Variants in UNC5D observed in about 807,000 individuals in gnomAD.
The protein encoded by UNC5D is netrin receptor UNC5D.
In UNC5D, 39 loss-of-function variants were observed where a neutral mutation model predicts 105.4. The observed-to-expected ratio is 0.37, with a 90% CI of 0.29 to 0.48. The LOEUF is 0.48. Among genes scored for constraint, UNC5D ranks in the 20% least tolerant of loss-of-function variants. UNC5D has a pLI of 0.98. For missense variants in UNC5D, 991 were observed against 1,202.4 expected, an observed-to-expected ratio of 0.82 and a Z score of 2.60; for synonymous variants, 452 against 450.4, an observed-to-expected ratio of 1.00 and a Z score of -0.04.
intron 1 of UNC5D, among the ~76,000 whole-genome samples, chr8:35,330,224 G>A (rs916626535): frequency 6.6e-6 from 1 of 152,268 alleles, no homozygotes; most frequent in East Asian, 1.9e-4. Flanking sequence ...TGCAATATTT[G>A]TCACATATTA....
chr8:35,767,344 CAAG>C (rs1191941979), intron 15 of UNC5D, among the ~76,000 whole-genome samples: 1 of 152,152 alleles, frequency 6.6e-6, no homozygotes, highest in Non-Finnish European at 1.5e-5. Flanking sequence ...CACAAAATCA[CAAG>C]AAGTCTTATT....
intron 1 of UNC5D, among the ~76,000 whole-genome samples, chr8:35,503,221 G>A (rs1392780477): frequency 6.6e-6 from 1 of 152,132 alleles, no homozygotes; most frequent in African/African-American, 2.4e-5. Flanking sequence ...CATAGTCGGT[G>A]TATTAGTCCG....
intron 4 of UNC5D, among the ~76,000 whole-genome samples, chr8:35,617,977 T>C (rs1486706482): frequency 1.3e-5 from 2 of 152,226 alleles, no homozygotes; most frequent in Non-Finnish European, 2.9e-5. Flanking sequence ...TCATCCTCTG[T>C]GGGCTGCCAG....
intron 1 of UNC5D, among the ~76,000 whole-genome samples, chr8:35,413,526 A>G (rs967602990): frequency 6.0e-5 from 9 of 151,162 alleles, no homozygotes; most frequent in Admixed American, 4.6e-4. Flanking sequence ...TGCTGCTGAC[A>G]GGCATTTATT....
chr8:35,432,551 C>T (rs982879950), intron 1 of UNC5D, among the ~76,000 whole-genome samples: 41 of 152,132 alleles, frequency 2.7e-4, no homozygotes, highest in African/African-American at 9.9e-4. Context: ...TATTTTAACT[C>T]CAACTAGAAT....
chr8:35,689,341 G>T (rs947549114), intron 7 of UNC5D, among the ~76,000 whole-genome samples: 1 of 152,204 alleles, frequency 6.6e-6, no homozygotes, highest in Non-Finnish European at 1.5e-5. Context: ...GTTTAAGGCT[G>T]AAAGAACTTA....
intron 3 of UNC5D, among the ~76,000 whole-genome samples, chr8:35,576,400 G>T (rs531296444): frequency 3.9e-4 from 60 of 152,308 alleles, no homozygotes; most frequent in African/African-American, 1.4e-3. Flanking sequence ...AACGCCAGAG[G>T]CAGCATCACA....
intron 1 of UNC5D, among the ~76,000 whole-genome samples, chr8:35,485,667 G>A (rs139239522): frequency 0.01 from 1,524 of 152,200 alleles, 17 homozygotes; most frequent in South Asian, 0.035. Flanking sequence ...AAATAACATA[G>A]GTTTTGAAGT....
At chr8:35,308,219 T>G (rs189915854) in intron 1 of UNC5D, among the ~76,000 whole-genome samples, 84 of 152,080 alleles carry the variant, frequency 5.5e-4, no homozygotes, top group Admixed American at 1.6e-3. Context: ...ACCATGGGTT[T>G]CTGTCAAGGA....
At chr8:35,430,469 A>G (rs142677315) in intron 1 of UNC5D, among the ~76,000 whole-genome samples, 108 of 152,284 alleles carry the variant, frequency 7.1e-4, no homozygotes, top group Non-Finnish European at 1.8e-4. Flanking sequence ...TAGCATGTCA[A>G]TTAAACCCAA....
At chr8:35,724,520 G>A (rs188841353) in intron 9 of UNC5D, among the ~76,000 whole-genome samples, 2 of 152,216 alleles carry the variant, frequency 1.3e-5, no homozygotes, top group East Asian at 3.9e-4. Flanking sequence ...GGTGACTGTC[G>A]CTGGTCAGAC....
chr8:35,730,964 GATAA>G, intron 10 of UNC5D, 44 bp from the exon 11 acceptor site: 2 of 1,583,654 alleles, frequency 1.3e-6, no homozygotes, highest in Non-Finnish European at 1.7e-6. Context: ...CAAACTTCAT[GATAA>G]TTGGAAAAAT....
At chr8:35,376,460 G>T (rs1043804141) in intron 1 of UNC5D, among the ~76,000 whole-genome samples, 1 of 152,114 alleles carries the variant, frequency 6.6e-6, no homozygotes, top group South Asian at 2.1e-4. Context: ...GTGTAAATTG[G>T]GGGTGCCTAG....
At position 35,336,791 on chromosome 8, in the gene UNC5D, G is replaced by GTTT. The variant is rs11404669; in HGVS notation, c.103+100914_103+100916dup. On this transcript the variant is annotated intron_variant, in intron 1 of 16. Coordinates refer to ENST00000404895, the MANE Select transcript of UNC5D (RefSeq NM_080872.4). ...GCCCAGATAGACCAAAGGAAATAGTGTTTTTTTTTTTTCTTTATTTTTAGT... is the reference window on the plus strand; with the variant it reads ...GCCCAGATAGACCAAAGGAAATAGTGTTTTTTTTTTTTTTTCTTTATTTTTAGT... 1.2e-4 allele frequency among the ~76,000 whole-genome samples: 18 copies of GTTT among 147,662 alleles called. No individual in the cohort carries two copies. The East Asian group carries it at 1.4e-3, about 11-fold the overall frequency.
intron 4 of UNC5D, among the ~76,000 whole-genome samples, chr8:35,680,941 G>A (rs1825619155): frequency 6.6e-6 from 1 of 152,190 alleles, no homozygotes; most frequent in South Asian, 2.1e-4. Context: ...CAGAAAGCAG[G>A]CAATTTACCC....
At chr8:35,545,307 G>A (rs1815572320) in intron 1 of UNC5D, among the ~76,000 whole-genome samples, 1 of 152,160 alleles carries the variant, frequency 6.6e-6, no homozygotes, top group Admixed American at 6.5e-5. Context: ...TTCAGTTCCT[G>A]TTCCTCTTTC....
At chr8:35,333,796 A>T (rs1045738750) in intron 1 of UNC5D, among the ~76,000 whole-genome samples, 1 of 152,194 alleles carries the variant, frequency 6.6e-6, no homozygotes, top group African/African-American at 2.4e-5. Context: ...TGTTTTAATC[A>T]TGATTTGAGG....
At chr8:35,483,136 C>T (rs1022413542) in intron 1 of UNC5D, among the ~76,000 whole-genome samples, 3 of 151,818 alleles carry the variant, frequency 2.0e-5, no homozygotes, top group Non-Finnish European at 4.4e-5. Context: ...GTTGTTCATT[C>T]TCACATGAAT....
At chr8:35,536,402 G>A (rs1814842414) in intron 1 of UNC5D, among the ~76,000 whole-genome samples, 1 of 152,176 alleles carries the variant, frequency 6.6e-6, no homozygotes, top group South Asian at 2.1e-4. Flanking sequence ...AATGTCTTAG[G>A]CGATTTCCAG....
Sources: allele counts gnomAD v4.1 joint callset (sites outside exome capture counted in the v4.1 genomes callset), GRCh38; gene constraint gnomAD v4.1.1; transcripts MANE v1.5; gene names NCBI Gene and HGNC (gene_info 2026-07-23, HGNC 2026-07-21).